Variants in TAF12 observed in about 807,000 individuals in gnomAD.
TAF12 encodes transcription initiation factor TFIID subunit 12.
A neutral mutation model predicts 20.8 loss-of-function variants in TAF12; 3 were observed. The ratio of observed to expected loss-of-function variants is 0.14; its 90% confidence interval spans 0.07 to 0.37. The LOEUF is 0.37. TAF12 is among the 10% of genes least tolerant of loss of function. The probability of loss-of-function intolerance (pLI) is 1.00; values close to 1 mark genes in which losing one functional copy is unlikely to be tolerated. For synonymous variants in TAF12, 69 were observed against 70.2 expected (o/e 0.98, Z 0.09); for missense variants, 131 against 197.9 (o/e 0.66, Z 2.03).
At chr1:28,618,254 G>A (rs1667103454) in intron 2 of TAF12, among the ~76,000 whole-genome samples, 1 of 152,200 alleles carries the variant, frequency 6.6e-6, no homozygotes, top group Non-Finnish European at 1.5e-5. Context: ...CCAGCATCCA[G>A]CTGTCAGGCA....
chr1:28,603,699 G>T, intron 5 of TAF12, 125 bp from the exon 6 acceptor site: 1 of 884,096 alleles, frequency 1.1e-6, no homozygotes, highest in Non-Finnish European at 1.8e-6. Context: ...GAGACCTGCA[G>T]TCACAAGGCA....
intron 2 of TAF12, among the ~76,000 whole-genome samples, chr1:28,619,039 C>T (rs1391104436): frequency 2.6e-5 from 4 of 151,894 alleles, no homozygotes; most frequent in Admixed American, 6.6e-5. Flanking sequence ...CACAGGAAGA[C>T]CTCATGTCTT....
chr1:28,605,031 G>A (rs185541755), intron 5 of TAF12, among the ~76,000 whole-genome samples: 1 of 152,280 alleles, frequency 6.6e-6, no homozygotes, highest in Admixed American at 6.5e-5. Flanking sequence ...CATATATGGT[G>A]TTGCAATCAG....
rs1371284421 is a variant in TAF12, at chr1:28,605,393, G to A, written c.429C>T (p.Cys143=). 13 of 1,613,974 alleles carry A rather than the reference G, an allele frequency of 8.1e-6. No homozygotes were observed. Among genetic ancestry groups the A allele is most frequent in the Non-Finnish European group, 8.5e-6 (10 of 1,180,026 alleles). ...SEEIRPYKKA[C]TTEAHKQRMA... Reference sequence around the variant, plus strand: ...TCACCTGTTTGTGAGCTTCTGTGGTGCAAGCTTTTTTGTAGGGTCGGATTT... The same window carrying A: ...TCACCTGTTTGTGAGCTTCTGTGGTACAAGCTTTTTTGTAGGGTCGGATTT... The change falls in exon 5 of 6, where the codon TGC becomes TGT. Residue 143 remains cysteine, a synonymous_variant. Transcript: ENST00000373824.
At chr1:28,633,519 G>C (rs918496818) in intron 1 of TAF12, among the ~76,000 whole-genome samples, 1 of 150,260 alleles carries the variant, frequency 6.7e-6, no homozygotes, top group African/African-American at 2.4e-5. Context: ...GCTCATGCCT[G>C]TAATCCCAGC....
chr1:28,644,160 G>C (rs1456142455), upstream of TAF12, among the ~76,000 whole-genome samples: 1 of 152,122 alleles, frequency 6.6e-6, no homozygotes, highest in Non-Finnish European at 1.5e-5. Flanking sequence ...AGATGGAGAA[G>C]AACCCACAAA....
chr1:28,647,365 G>GCAA (rs1668221699), upstream of TAF12, among the ~76,000 whole-genome samples: 1 of 151,836 alleles, frequency 6.6e-6, no homozygotes, highest in African/African-American at 2.4e-5. Flanking sequence ...ATGGCTCACT[G>GCAA]TAGCCTTGAC....
At chr1:28,639,406 A>G (rs1667958890) in intron 1 of TAF12, among the ~76,000 whole-genome samples, 1 of 119,294 alleles carries the variant, frequency 8.4e-6, no homozygotes, top group African/African-American at 3.7e-5. Context: ...ACAAGAGTGA[A>G]AGAGCGAAAC....
chr1:28,633,356 T>TG (rs1557471931), intron 1 of TAF12, among the ~76,000 whole-genome samples: 2 of 144,912 alleles, frequency 1.4e-5, no homozygotes, highest in African/African-American at 2.5e-5. Context: ...TTAGTAGAGA[T>TG]GGCATTTCGT....
chr1:28,607,432 A>T (rs1173915581), intron 4 of TAF12, among the ~76,000 whole-genome samples: 1 of 152,178 alleles, frequency 6.6e-6, no homozygotes, highest in East Asian at 1.9e-4. Context: ...GCACTTCGGG[A>T]GGCCAAAGTG....
At chr1:28,631,145 T>C (rs1015081990) in intron 1 of TAF12, among the ~76,000 whole-genome samples, 1 of 151,088 alleles carries the variant, frequency 6.6e-6, no homozygotes, top group African/African-American at 2.4e-5. Context: ...TATAAAGAAA[T>C]TTCAGTGCAA....
intron 1 of TAF12, among the ~76,000 whole-genome samples, chr1:28,627,518 CCT>C (rs1667449533): frequency 1.3e-5 from 2 of 151,576 alleles, no homozygotes; most frequent in East Asian, 1.9e-4. Context: ...ACGGTGAAAC[CCT>C]GTCTCTACTA....
chr1:28,622,615 G>A (rs1667255200), intron 1 of TAF12, among the ~76,000 whole-genome samples: 1 of 152,162 alleles, frequency 6.6e-6, no homozygotes, highest in South Asian at 2.1e-4. Flanking sequence ...AGGGCCGCGT[G>A]CAGTAGCTCA....
At chr1:28,634,689 G>A (rs971973460) in intron 1 of TAF12, among the ~76,000 whole-genome samples, 1 of 152,124 alleles carries the variant, frequency 6.6e-6, no homozygotes, top group African/African-American at 2.4e-5. Flanking sequence ...CAACACTTTG[G>A]GAGGCCGAGG....
chr1:28,632,070 C>T lies in TAF12; in HGVS notation c.-84-9905G>A, dbSNP rs150475260. Among the ~76,000 whole-genome samples, 41 of 152,200 alleles carry T rather than the reference C, an allele frequency of 2.7e-4. No individual in the cohort carries two copies. The East Asian group carries it at 4.6e-3, about 17-fold the overall frequency. On this transcript the variant is annotated intron_variant, in intron 1 of 5. Coordinates refer to ENST00000373824, the MANE Select transcript of TAF12 (RefSeq NM_005644.4). ...AACATCATTCACAACTACCAAAAACCGAAAACAATCCACATGTCCTTCAAA... is the reference window on the plus strand; with the variant it reads ...AACATCATTCACAACTACCAAAAACTGAAAACAATCCACATGTCCTTCAAA...
At chr1:28,618,476 T>TC (rs1667110541) in intron 2 of TAF12, among the ~76,000 whole-genome samples, 1 of 151,518 alleles carries the variant, frequency 6.6e-6, no homozygotes, top group Non-Finnish European at 1.5e-5. Flanking sequence ...TGCCAAGCTC[T>TC]CCCACCTAAG....
upstream of TAF12, chr1:28,643,203 C>G (rs925884965): frequency 4.0e-6 from 3 of 758,662 alleles, no homozygotes; most frequent in Admixed American, 6.3e-5. Context: ...CGATATTGAG[C>G]TGTGTGTAGG....
At chr1:28,624,811 C>T (rs1267361842) in intron 1 of TAF12, among the ~76,000 whole-genome samples, 1 of 151,876 alleles carries the variant, frequency 6.6e-6, no homozygotes, top group Non-Finnish European at 1.5e-5. Flanking sequence ...TCCTGGTTTA[C>T]GCTTAATAAA....
At chr1:28,638,271 C>CCT (rs1332919891) in intron 1 of TAF12, among the ~76,000 whole-genome samples, 1 of 151,592 alleles carries the variant, frequency 6.6e-6, no homozygotes, top group Non-Finnish European at 1.5e-5. Flanking sequence ...TTCACCACAA[C>CCT]CTCCGCCTCT....
Sources: allele counts gnomAD v4.1 joint callset (sites outside exome capture counted in the v4.1 genomes callset), GRCh38; gene constraint gnomAD v4.1.1; transcripts MANE v1.5; gene names NCBI Gene and HGNC (gene_info 2026-07-23, HGNC 2026-07-21).